CCSER2: variants seen among roughly 807,000 people sequenced by gnomAD.
CCSER2 encodes the protein serine-rich coiled-coil domain-containing protein 2.
CCSER2 carries 46 observed loss-of-function variants against 92.3 expected under a neutral mutation model. The ratio of observed to expected loss-of-function variants is 0.50; its 90% CI spans 0.39 to 0.64. The LOEUF is 0.64. CCSER2 is among the 30% of genes least tolerant of loss of function. The pLI is 0.00. For synonymous variants in CCSER2, 433 were observed against 431.4 expected, an observed-to-expected ratio of 1.00 and a Z score of -0.04; for missense variants, 1,244 against 1,238.9, an observed-to-expected ratio of 1.00 and a Z score of -0.06.
At chr10:84,417,062 A>ACAATCCTATAG (rs1842924369) in intron 3 of CCSER2, among the ~76,000 whole-genome samples, 1 of 152,268 alleles carries the variant, frequency 6.6e-6, no homozygotes, top group African/African-American at 2.4e-5. Flanking sequence ...GTAAGGACGC[A>ACAATCCTATAG]CCAGTGGGCT....
chr10:84,513,911 T>C lies in CCSER2; in HGVS notation c.2788T>C (p.Ser930Pro), dbSNP rs1849499184. 6.5e-7 allele frequency: 1 copy of C among 1,536,576 alleles called. No homozygotes were observed. The highest frequency in any genetic ancestry group is 2.0e-5 in the Admixed American group (1 of 51,002). The stretch of plus-strand genomic sequence containing the variant: ...GCTTTTAAAGCCATCCATATTGAGT[T>C]CTTTGGTACCGCCTCCAGTTTCTGA... Reference protein sequence around the residue: ...LQLLKPSILSSLVPPPVSESS... With the variant: ...LQLLKPSILSPLVPPPVSESS... The change falls in exon 10 of 10, where the codon TCT (serine) becomes CCT (proline). Residue 930 changes from serine (S) to proline (P), a missense_variant. Coordinates refer to ENST00000372088, the MANE Select transcript of CCSER2 (RefSeq NM_001284240.2).
At chr10:84,360,640 G>A (rs1376941839) in intron 1 of CCSER2, among the ~76,000 whole-genome samples, 2 of 152,172 alleles carry the variant, frequency 1.3e-5, no homozygotes, top group Non-Finnish European at 2.9e-5. Context: ...CAGTTAGCCC[G>A]CTCTTGCAGA....
intron 9 of CCSER2, among the ~76,000 whole-genome samples, chr10:84,508,716 C>G (rs1302167009): frequency 6.6e-6 from 1 of 152,150 alleles, no homozygotes; most frequent in East Asian, 1.9e-4. Context: ...ATAGTGTTGA[C>G]ATTATTGAAC....
chr10:84,411,534 G>A (rs1842649165), intron 3 of CCSER2, among the ~76,000 whole-genome samples: 1 of 152,004 alleles, frequency 6.6e-6, no homozygotes, highest in African/African-American at 2.4e-5. Flanking sequence ...ATTGTTAGCT[G>A]TGTTAATACG....
intron 3 of CCSER2, among the ~76,000 whole-genome samples, chr10:84,375,818 T>G (rs1384866259): frequency 6.6e-6 from 1 of 151,666 alleles, no homozygotes; most frequent in African/African-American, 2.4e-5. Context: ...TGCCATCTTA[T>G]TATTTTTATT....
intron 3 of CCSER2, among the ~76,000 whole-genome samples, chr10:84,412,036 CGAG>C (rs1320720162): frequency 2.0e-5 from 3 of 152,058 alleles, no homozygotes; most frequent in African/African-American, 7.2e-5. Context: ...TGAATTTTAT[CGAG>C]GGTCTTTTCT....
At chr10:84,403,145 G>C (rs145995049) in intron 3 of CCSER2, among the ~76,000 whole-genome samples, 120 of 151,162 alleles carry the variant, frequency 7.9e-4, no homozygotes, top group African/African-American at 2.8e-3. Flanking sequence ...GAACCCTGAA[G>C]TAGACCTACA....
chr10:84,472,183 C>G (rs1681678289), intron 8 of CCSER2, among the ~76,000 whole-genome samples: 1 of 152,144 alleles, frequency 6.6e-6, no homozygotes, highest in African/African-American at 2.4e-5. Flanking sequence ...CTTGGAGAGA[C>G]TTTCCTTGAG....
chr10:84,419,026 T>A (rs1179057428), intron 4 of CCSER2, among the ~76,000 whole-genome samples: 3 of 151,022 alleles, frequency 2.0e-5, no homozygotes, highest in Non-Finnish European at 4.4e-5. Flanking sequence ...ATTTTTTTTT[T>A]AGAATAACAA....
rs1849628049 is a variant in CCSER2 at position 84,517,291 on chromosome 10, G to T, written c.*3024G>T. 6.6e-6 allele frequency: 1 copy of T among 152,614 alleles called. No individual in the cohort carries two copies. The highest frequency in any genetic ancestry group is 2.4e-5 in the African/African-American group (1 of 41,440). 9.5% of individuals were successfully genotyped at this position (152,614 alleles called of 1,614,324 possible). On this transcript the variant is annotated 3_prime_UTR_variant, in exon 10 of 10. Transcript: ENST00000372088. ...ATTTTTAAAAGAAGGCTTGGCCTAA[G>T]GAGTTTATTGGTACAGGTGCAGATG...
intron 6 of CCSER2, among the ~76,000 whole-genome samples, chr10:84,457,414 A>AAT (rs1442925988): frequency 5.7e-4 from 32 of 55,846 alleles, no homozygotes; most frequent in Non-Finnish European, 6.9e-4. Context: ...TATTTTAAAA[A>AAT]ATATATTTAA....
intron 5 of CCSER2, among the ~76,000 whole-genome samples, chr10:84,437,791 C>T (rs564498160): frequency 1.1e-4 from 16 of 145,012 alleles, no homozygotes; most frequent in African/African-American, 3.8e-4. Context: ...TGGCTCACTG[C>T]AACCTCCGCC....
intron 9 of CCSER2, among the ~76,000 whole-genome samples, chr10:84,495,241 G>A (rs546306661): frequency 4.0e-5 from 6 of 149,294 alleles, no homozygotes; most frequent in South Asian, 4.3e-4. Flanking sequence ...GGGTATGAAT[G>A]TTAGTATCCA....
chr10:84,468,610 A>G (rs533684514), intron 7 of CCSER2, among the ~76,000 whole-genome samples: 1 of 152,192 alleles, frequency 6.6e-6, no homozygotes, highest in Admixed American at 6.5e-5. Flanking sequence ...TTTTGGGTCC[A>G]TTTCCTGTGT....
chr10:84,498,113 A>G (rs187717540), intron 9 of CCSER2, among the ~76,000 whole-genome samples: 1 of 152,372 alleles, frequency 6.6e-6, no homozygotes, highest in Admixed American at 6.5e-5. Flanking sequence ...GAAGGAAACA[A>G]TGACTGTTTT....
chr10:84,429,885 T>A (rs563878373), intron 5 of CCSER2, among the ~76,000 whole-genome samples: 86 of 149,198 alleles, frequency 5.8e-4, no homozygotes, highest in African/African-American at 1.2e-3. Context: ...AAAAAAAAAA[T>A]ACAAATAATG....
At position 84,373,727 on chromosome 10, in the gene CCSER2, G is replaced by C. The variant is rs751803860; in HGVS notation, c.1526G>C (p.Gly509Ala). 4 of 1,613,742 alleles carry C rather than the reference G, an allele frequency of 2.5e-6. No homozygotes were observed. The highest frequency in any genetic ancestry group is 2.2e-5 in the East Asian group (1 of 44,854). Residue 509 changes from glycine to alanine, a missense_variant, in exon 3 of 10, where the codon GGA becomes GCA. Gly to Ala is a moderately conservative substitution (Grantham distance 60). Coordinates refer to ENST00000372088, the MANE Select transcript of CCSER2 (RefSeq NM_001284240.2). ...CTCTCTCCATCTGATAGCTCTGATGGAACATACATGTGGGATGAAGAAGGC... is the reference window on the plus strand; with the variant it reads ...CTCTCTCCATCTGATAGCTCTGATGCAACATACATGTGGGATGAAGAAGGC... ...FELSPSDSSD[G>A]TYMWDEEGLE... is the part of the protein sequence containing the mutation.
At chr10:84,470,152 T>G (rs1846700504) in intron 7 of CCSER2, among the ~76,000 whole-genome samples, 1 of 151,800 alleles carries the variant, frequency 6.6e-6, no homozygotes. Context: ...GTTTTTAACA[T>G]CTAATAAGTT....
Position 84,371,887 on chromosome 10 carries a change from G to A in CCSER2, c.835G>A (p.Val279Ile), listed in dbSNP as rs534278497. 2.7e-5 allele frequency: 43 copies of A among 1,613,734 alleles called. No homozygotes were observed. The highest frequency in any genetic ancestry group is 3.6e-5 in the Non-Finnish European group (43 of 1,179,810). The change falls in exon 2 of 10, where the codon GTA becomes ATA. Residue 279 changes from valine (V) to isoleucine (I), a missense_variant. Coordinates refer to ENST00000372088, the MANE Select transcript of CCSER2 (RefSeq NM_001284240.2). ...MLTRNSRQPE[V>I]LNGNEHLGYG... ...AACAAGAAATTCCCGGCAGCCAGAA[G>A]TACTCAATGGGAATGAACATTTGGG...
Sources: gnomAD v4.1 joint callset for allele counts (sites outside exome capture counted in the v4.1 genomes callset) on GRCh38, gnomAD v4.1.1 for gene constraint, MANE v1.5 for transcripts, NCBI Gene and HGNC (gene_info 2026-07-23, HGNC 2026-07-21) for gene names.